QKI: variants seen among roughly 807,000 people sequenced by gnomAD.
QKI encodes the protein QKI, KH domain containing RNA binding.
A neutral mutation model predicts 39.0 loss-of-function variants in QKI; 10 were observed. That is an observed-to-expected ratio of 0.26 (90% CI 0.16 to 0.43). QKI has a LOEUF of 0.43. Among genes scored for constraint, QKI ranks in the 20% least tolerant of loss-of-function variants. The pLI is 1.00. For synonymous variants in QKI, 204 were observed against 155.4 expected, an observed-to-expected ratio of 1.31 and a Z score of -2.33; for missense variants, 218 against 428.0, an observed-to-expected ratio of 0.51 and a Z score of 4.33.
intron 1 of QKI, among the ~76,000 whole-genome samples, chr6:163,439,656 C>CTT (rs375640583): frequency 0.19 from 22,989 of 124,060 alleles, 2,395 homozygotes; most frequent in Middle Eastern, 0.29. Context: ...GTCCTGAATC[C>CTT]TTTTTTTTTT....
At chr6:163,494,599 A>G (rs931320705) in intron 3 of QKI, among the ~76,000 whole-genome samples, 12 of 152,022 alleles carry the variant, frequency 7.9e-5, no homozygotes, top group Non-Finnish European at 1.3e-4. Flanking sequence ...ACTTCAGTTC[A>G]TACACTGTTA....
chr6:163,552,889 T>C (rs1270059566), intron 4 of QKI, among the ~76,000 whole-genome samples: 1 of 151,892 alleles, frequency 6.6e-6, no homozygotes, highest in Non-Finnish European at 1.5e-5. Context: ...TTCAGAACTT[T>C]TTGTCAGGCA....
chr6:163,459,186 T>C lies in QKI; in HGVS notation c.285+3765T>C, dbSNP rs147324982. On this transcript the variant is annotated intron_variant, in intron 2 of 7. Coordinates refer to ENST00000361752, the MANE Select transcript of QKI (RefSeq NM_006775.3). ...AAGCGGGCAGTGGCTGCTTAGGGCA[T>C]GCTCTTATGGCAGGCCACTGGAATG... Among the ~76,000 whole-genome samples, 4 of 152,352 alleles carry C rather than the reference T, an allele frequency of 2.6e-5. No homozygotes were observed. The East Asian group carries it at 5.8e-4, about 22-fold the overall frequency.
Position 163,574,167 on chromosome 6 carries a change from A to G in QKI, c.*3457A>G, listed in dbSNP as rs1783849620. The G allele has an allele frequency of 6.6e-6, 1 of 152,210 alleles. No homozygotes were observed. The highest frequency in any genetic ancestry group is 2.4e-5 in the African/African-American group (1 of 41,442). The allele number at this position is 152,210 out of a possible 1,614,324, so 9.4% of individuals were successfully genotyped here. On this transcript the variant is annotated 3_prime_UTR_variant, in exon 8 of 8. Transcript: ENST00000361752. ...AAAATAATCACTGTCTGCTCACAGC[A>G]TCGAGTAAAAAGATACATTGTCATG...
chr6:163,569,813 T>C, intron 7 of QKI: 1 of 987,486 alleles, frequency 1.0e-6, no homozygotes. Context: ...GAAAGCTGTT[T>C]GTAGTTTTAA....
chr6:163,560,219 TCAA>T (rs1008549950), intron 4 of QKI, among the ~76,000 whole-genome samples: 51 of 152,272 alleles, frequency 3.3e-4, no homozygotes, highest in African/African-American at 1.2e-3. Context: ...GTGGTGATAC[TCAA>T]CAGACTGTAA....
intron 2 of QKI, among the ~76,000 whole-genome samples, chr6:163,473,513 A>G (rs1364157274): frequency 6.6e-6 from 1 of 152,232 alleles, no homozygotes; most frequent in African/African-American, 2.4e-5. Context: ...AGACAGATCA[A>G]GAGAAAGGAA....
At chr6:163,415,782 C>G (rs1270419121) in intron 1 of QKI, 2 of 381,072 alleles carry the variant, frequency 5.2e-6, no homozygotes, top group African/African-American at 2.2e-5. Flanking sequence ...GCCTCCCGAG[C>G]CTGCTCTGCG....
intron 1 of QKI, among the ~76,000 whole-genome samples, chr6:163,442,109 T>C (rs569524942): frequency 8.3e-4 from 126 of 152,296 alleles, no homozygotes; most frequent in African/African-American, 2.8e-3. Context: ...GCGTGCTATG[T>C]GATATTGCAA....
intron 3 of QKI, among the ~76,000 whole-genome samples, chr6:163,500,028 G>A (rs1778658356): frequency 6.6e-6 from 1 of 152,114 alleles, no homozygotes. Flanking sequence ...GACATGGGGA[G>A]GTCTGCAGAC....
chr6:163,572,670 A>AACCCCCCCC lies in QKI; in HGVS notation c.*1960_*1961insACCCCCCCC, dbSNP rs1783759511. On this transcript the variant is annotated 3_prime_UTR_variant, in exon 8 of 8. Transcript: ENST00000361752. ...CGTGGCAAATCTCAAGTGACAGTGG[A>AACCCCCCCC]CCCCCCCCCCCGCCCAGCTTATCAA... 2 of 19,626 alleles carry AACCCCCCCC rather than the reference A, an allele frequency of 1.0e-4. No individual in the cohort carries two copies. The highest frequency in any genetic ancestry group is 9.0e-4 in the Admixed American group (1 of 1,116). The allele number at this position is 19,626 out of a possible 1,614,324, so 1.2% of individuals were successfully genotyped here. A position where few individuals can be genotyped will look rare whatever the true frequency, so the allele number is the denominator to read the frequency against.
intron 3 of QKI, among the ~76,000 whole-genome samples, chr6:163,488,871 T>A (rs888635446): frequency 6.6e-6 from 1 of 152,194 alleles, no homozygotes; most frequent in Admixed American, 6.6e-5. Context: ...CAGAGAATTT[T>A]TATAAAGTAT....
chr6:163,430,066 A>C (rs1788707336), intron 1 of QKI, among the ~76,000 whole-genome samples: 1 of 152,176 alleles, frequency 6.6e-6, no homozygotes. Context: ...AGTGGAGAAC[A>C]GGTAAGGGAG....
chr6:163,553,062 TTTTATTTATTTATTTATTTATTTATTTA>T (rs200656963), intron 4 of QKI, among the ~76,000 whole-genome samples: 12,603 of 119,268 alleles, frequency 0.11, 766 homozygotes, highest in East Asian at 0.27. Flanking sequence ...TTTTTTTAAT[TTTTATTTATTTATTTATTTATTTATTTA>T]TTTATTTATT....
At chr6:163,527,706 GATT>G (rs907671262) in intron 3 of QKI, among the ~76,000 whole-genome samples, 136 of 152,212 alleles carry the variant, frequency 8.9e-4, no homozygotes, top group African/African-American at 3.1e-3. Flanking sequence ...CAAATGTTGA[GATT>G]ATTTTTTTAC....
At position 163,563,669 on chromosome 6, in the gene QKI, C is replaced by G; in HGVS notation, c.884C>G (p.Ala295Gly). 1.2e-6 allele frequency: 2 copies of G among 1,614,128 alleles called. No homozygotes were observed. The highest frequency in any genetic ancestry group is 1.6e-4 in the Middle Eastern group (1 of 6,062). Reference sequence around the variant, plus strand: ...CCCTATGAGTACCCCTACACATTGGCACCAGCTACATCAATCCTTGAGTAT... The same window carrying G: ...CCCTATGAGTACCCCTACACATTGGGACCAGCTACATCAATCCTTGAGTAT... ...YTPYEYPYTL[A>G]PATSILEYPI... The change falls in exon 6 of 8, where the codon GCA (alanine) becomes GGA (glycine). Residue 295 changes from alanine (A) to glycine (G), a missense_variant. Physicochemically the swap from Ala to Gly is moderately conservative, Grantham distance 60. Transcript: ENST00000361752.
chr6:163,416,654 T>TA (rs1478739412), intron 1 of QKI, among the ~76,000 whole-genome samples: 3 of 151,818 alleles, frequency 2.0e-5, no homozygotes, highest in Non-Finnish European at 4.4e-5. Context: ...ATCCCAGGAG[T>TA]TCTGTTGTCT....
intron 4 of QKI, among the ~76,000 whole-genome samples, chr6:163,546,821 C>T (rs1781907374): frequency 6.6e-6 from 1 of 151,802 alleles, no homozygotes; most frequent in African/African-American, 2.4e-5. Context: ...TTAAATTATC[C>T]TGCTTATTCA....
chr6:163,437,254 A>G (rs1186865659), intron 1 of QKI, among the ~76,000 whole-genome samples: 3 of 152,254 alleles, frequency 2.0e-5, no homozygotes, highest in African/African-American at 7.2e-5. Flanking sequence ...AATAAGGTAT[A>G]TACATAAGCT....
Sources: allele counts gnomAD v4.1 joint callset (sites outside exome capture counted in the v4.1 genomes callset), GRCh38; gene constraint gnomAD v4.1.1; transcripts MANE v1.5; gene names NCBI Gene and HGNC (gene_info 2026-07-23, HGNC 2026-07-21).